The following CTNND2 variants were observed in gnomAD, a reference collection of about 807,000 sequenced individuals.
The protein encoded by CTNND2 is catenin delta 2.
In CTNND2, 22 loss-of-function variants were observed where a neutral mutation model predicts 144.4. That is an observed-to-expected ratio of 0.15 (90% CI 0.11 to 0.22). CTNND2 has a LOEUF of 0.22. CTNND2 is among the 10% of genes least tolerant of loss of function. The pLI, the probability that CTNND2 is intolerant of heterozygous loss-of-function variation, is 1.00. For missense variants in CTNND2, 1,353 were observed against 1,618.8 expected, an observed-to-expected ratio of 0.84 and a Z score of 2.82; for synonymous variants, 751 against 695.6, an observed-to-expected ratio of 1.08 and a Z score of -1.25.
At chr5:11,280,998 G>A (rs1034173926) in intron 9 of CTNND2, among the ~76,000 whole-genome samples, 4 of 151,794 alleles carry the variant, frequency 2.6e-5, no homozygotes, top group East Asian at 1.9e-4. Context: ...AGAAAAAAGC[G>A]AAAGAAAAAA....
chr5:11,108,307 C>T (rs1201309289), intron 14 of CTNND2, among the ~76,000 whole-genome samples: 1 of 152,140 alleles, frequency 6.6e-6, no homozygotes, highest in Non-Finnish European at 1.5e-5. Context: ...TCTTCCAAGA[C>T]ATCTCTTTCA....
chr5:11,076,610 C>T (rs1748979464), intron 16 of CTNND2, among the ~76,000 whole-genome samples: 1 of 152,212 alleles, frequency 6.6e-6, no homozygotes, highest in African/African-American at 2.4e-5. Flanking sequence ...AAAGATCTAT[C>T]TATAGCATAC....
chr5:11,643,570 C>G (rs894385120), intron 2 of CTNND2, among the ~76,000 whole-genome samples: 2 of 151,758 alleles, frequency 1.3e-5, no homozygotes, highest in Non-Finnish European at 2.9e-5. Context: ...TGAACTCATC[C>G]TTTTTTATGG....
chr5:11,385,221 G>A lies in CTNND2; in HGVS notation c.621C>T (p.Thr207=). Residue 207 remains threonine, a synonymous_variant, in exon 7 of 22, where the codon ACC becomes ACT. Coordinates refer to ENST00000304623, the MANE Select transcript of CTNND2 (RefSeq NM_001332.4). ...ATGQSFSQGT[T]SRAGHLAGPE... ...GCCCCGCCAGGTGGCCGGCGCGGCT[G>A]GTCGTGCCCTGTGCCCGGGAGAGGA... 8.5e-6 allele frequency: 9 copies of A among 1,056,354 alleles called. No homozygotes were observed. Among genetic ancestry groups the A allele is most frequent in the South Asian group, 4.4e-5 (1 of 22,774 alleles). The allele number at this position is 1,056,354 out of a possible 1,614,324, so 65.4% of individuals were successfully genotyped here.
At chr5:11,614,389 T>G (rs1780480216) in intron 2 of CTNND2, among the ~76,000 whole-genome samples, 1 of 152,236 alleles carries the variant, frequency 6.6e-6, no homozygotes, top group Admixed American at 6.5e-5. Flanking sequence ...TTCTGCTTCA[T>G]TCTACCAAGA....
At chr5:11,610,820 T>G (rs1054253265) in intron 2 of CTNND2, among the ~76,000 whole-genome samples, 1 of 152,324 alleles carries the variant, frequency 6.6e-6, no homozygotes, top group South Asian at 2.1e-4. Context: ...TTTGCTCAGG[T>G]AGAAAACAAT....
chr5:11,343,538 T>C (rs1196064486), intron 9 of CTNND2, among the ~76,000 whole-genome samples: 1 of 152,238 alleles, frequency 6.6e-6, no homozygotes, highest in Non-Finnish European at 1.5e-5. Context: ...ATCATAAATA[T>C]ACTCTTTCTT....
intron 1 of CTNND2, among the ~76,000 whole-genome samples, chr5:11,893,216 G>A (rs867710113): frequency 6.6e-6 from 1 of 152,132 alleles, no homozygotes; most frequent in Non-Finnish European, 1.5e-5. Context: ...TAAGAGAATC[G>A]GCACATGGAG....
chr5:11,828,853 A>G (rs1027320050), intron 1 of CTNND2, among the ~76,000 whole-genome samples: 2 of 152,166 alleles, frequency 1.3e-5, no homozygotes, highest in East Asian at 3.9e-4. Flanking sequence ...AGGCAGGGAA[A>G]TTGGGAAAGA....
At chr5:11,594,492 T>C (rs1779411365) in intron 2 of CTNND2, among the ~76,000 whole-genome samples, 1 of 152,234 alleles carries the variant, frequency 6.6e-6, no homozygotes, top group Non-Finnish European at 1.5e-5. Context: ...AAAAAATCAA[T>C]TTCAAAGGTT....
At chr5:11,243,868 A>G (rs533254584) in intron 9 of CTNND2, among the ~76,000 whole-genome samples, 206 of 152,326 alleles carry the variant, frequency 1.4e-3, no homozygotes, top group African/African-American at 4.6e-3. Flanking sequence ...ACAATTTCAC[A>G]CTATTTTCAG....
At chr5:11,159,332 CA>C (rs1203998131) in intron 12 of CTNND2, among the ~76,000 whole-genome samples, 3 of 152,294 alleles carry the variant, frequency 2.0e-5, no homozygotes, top group African/African-American at 7.2e-5. Flanking sequence ...GTTTGTTTTT[CA>C]CCTTAGACCT....
intron 2 of CTNND2, among the ~76,000 whole-genome samples, chr5:11,725,628 G>C (rs1405105490): frequency 1.3e-5 from 2 of 152,036 alleles, no homozygotes; most frequent in Non-Finnish European, 2.9e-5. Context: ...TGAATTTGAA[G>C]TAAAACATAA....
chr5:11,452,645 T>C (rs1487886176), intron 3 of CTNND2, among the ~76,000 whole-genome samples: 2 of 152,184 alleles, frequency 1.3e-5, no homozygotes. Context: ...TTCAAGATTC[T>C]TTTCATTCTA....
intron 1 of CTNND2, among the ~76,000 whole-genome samples, chr5:11,823,646 T>C (rs921615044): frequency 2.0e-5 from 3 of 152,196 alleles, no homozygotes; most frequent in Admixed American, 2.0e-4. Flanking sequence ...GGCAATGTTC[T>C]CACATTAGTA....
intron 12 of CTNND2, among the ~76,000 whole-genome samples, chr5:11,131,775 C>T (rs772694875): frequency 8.6e-5 from 13 of 151,854 alleles, no homozygotes; most frequent in Admixed American, 2.0e-4. Flanking sequence ...GGCGATAGAG[C>T]GAGACTGCGT....
At chr5:11,081,090 A>ACACACACACT (rs1554039141) in intron 16 of CTNND2, among the ~76,000 whole-genome samples, 3 of 151,422 alleles carry the variant, frequency 2.0e-5, no homozygotes, top group Non-Finnish European at 2.9e-5. Flanking sequence ...ACACACACAC[A>ACACACACACT]CACACACACA....
chr5:11,715,267 C>A (rs1324608997), intron 2 of CTNND2, among the ~76,000 whole-genome samples: 3 of 152,118 alleles, frequency 2.0e-5, no homozygotes, highest in Non-Finnish European at 4.4e-5. Context: ...AAGAGACTGC[C>A]AAATGCTTTA....
At chr5:11,743,004 CAT>C (rs1435211465) in intron 1 of CTNND2, among the ~76,000 whole-genome samples, 1 of 152,174 alleles carries the variant, frequency 6.6e-6, no homozygotes, top group Admixed American at 6.5e-5. Context: ...GCTCTGCACA[CAT>C]AAACATATAT....
Sources: allele counts gnomAD v4.1 joint callset (sites outside exome capture counted in the v4.1 genomes callset), GRCh38; gene constraint gnomAD v4.1.1; transcripts MANE v1.5; gene names NCBI Gene and HGNC (gene_info 2026-07-23, HGNC 2026-07-21).